Variants in KLHL21 observed in about 807,000 individuals in gnomAD.
KLHL21 encodes kelch like family member 21.
KLHL21 carries 42 observed loss-of-function variants against 44.1 expected under a neutral mutation model. The ratio of observed to expected loss-of-function variants is 0.95; its 90% CI spans 0.74 to 1.23. The LOEUF (loss-of-function observed/expected upper bound fraction) is 1.23, where lower values mean the gene tolerates loss of function less well. Ranked by LOEUF, KLHL21 falls within the 50% of genes most tolerant of loss-of-function variation. The pLI is 0.00. For missense variants in KLHL21, 918 were observed against 889.1 expected (o/e 1.03, Z -0.41); for synonymous variants, 524 against 411.6 (o/e 1.27, Z -3.31).
chr1:6,598,914 G>C (rs1163191682), intron 2 of KLHL21, 133 bp downstream of exon 2: 3 of 927,224 alleles, frequency 3.2e-6, no homozygotes, highest in Non-Finnish European at 4.8e-6. Context: ...CAAAGAGACA[G>C]ACCCAGCCTC....
intron 1 of KLHL21, among the ~76,000 whole-genome samples, chr1:6,601,065 A>G (rs558567601): frequency 1.2e-4 from 18 of 152,258 alleles, no homozygotes; most frequent in Admixed American, 5.9e-4. Context: ...CTTTCCTTAT[A>G]TAGCAGTCAC....
At chr1:6,595,174 C>T (rs779567780) in intron 3 of KLHL21, 19 of 568,458 alleles carry the variant, frequency 3.3e-5, no homozygotes, top group Non-Finnish European at 5.9e-5. Flanking sequence ...TACCTGCTGT[C>T]CCTCTCTGGA....
chr1:6,595,636 C>T lies in KLHL21; in HGVS notation c.1428-79G>A, dbSNP rs1462253438. 61 of 1,221,010 alleles carry T rather than the reference C, an allele frequency of 5.0e-5. No individual in the cohort carries two copies. The South Asian group carries it at 7.0e-4, about 14-fold the overall frequency. The allele number at this position is 1,221,010 out of a possible 1,614,324, so 75.6% of individuals were successfully genotyped here. On this transcript the variant is annotated intron_variant, in intron 2 of 3. Transcript: ENST00000377658. The stretch of plus-strand genomic sequence containing the variant: ...CATGCAGGGCTGGAGCAGAGTCCTC[C>T]CCTGGGTCACTGACTCCTCCAGTGA...
In KLHL21 at chr1:6,591,017, A is replaced by G. The variant is rs925580951; in HGVS notation, c.*2348T>C. 7.5e-6 allele frequency: 3 copies of G among 398,720 alleles called. No individual in the cohort carries two copies. Among genetic ancestry groups the G allele is most frequent in the Non-Finnish European group, 8.8e-6 (2 of 226,086 alleles). The allele number at this position is 398,720 out of a possible 1,614,324, so 24.7% of individuals were successfully genotyped here. A position where few individuals can be genotyped will look rare whatever the true frequency, so the allele number is the denominator to read the frequency against. ...AGTTCTGTACATGTAACATGTGGCC[A>G]TGCCCAGGCATCCCAGCATCTATCC... is the stretch of plus-strand genomic sequence containing the variant. On this transcript the variant is annotated 3_prime_UTR_variant, in exon 4 of 4. Coordinates refer to ENST00000377658, the MANE Select transcript of KLHL21 (RefSeq NM_014851.4).
At position 6,592,482 on chromosome 1, in the gene KLHL21, TCTTC is replaced by T. The variant is rs1408810194; in HGVS notation, c.*879_*882del. The T allele has an allele frequency of 6.6e-6, 1 of 152,242 alleles. No homozygotes were observed. Among genetic ancestry groups the T allele is most frequent in the African/African-American group, 2.4e-5 (1 of 41,448 alleles). The allele number at this position is 152,242 out of a possible 1,614,324, so 9.4% of individuals were successfully genotyped here. A position where few individuals can be genotyped will look rare whatever the true frequency, so the allele number is the denominator to read the frequency against. On this transcript the variant is annotated 3_prime_UTR_variant, in exon 4 of 4. Transcript: ENST00000377658. Reference sequence around the variant, plus strand: ...TGTAGAGCTCCTTCTTCTTCCCACTTCTTCTAAGGTCAAACTGCAAGCATTTTCA... The same window carrying T: ...TGTAGAGCTCCTTCTTCTTCCCACTTTAAGGTCAAACTGCAAGCATTTTCA...
chr1:6,590,927 T>C lies in KLHL21; in HGVS notation c.*2438A>G. On this transcript the variant is annotated 3_prime_UTR_variant, in exon 4 of 4. Coordinates refer to ENST00000377658, the MANE Select transcript of KLHL21 (RefSeq NM_014851.4). ...TGAAGTCATATAAATATAGAATACCTTATAGTAGATCAGCATTAAATACCA... is the reference window on the plus strand; with the variant it reads ...TGAAGTCATATAAATATAGAATACCCTATAGTAGATCAGCATTAAATACCA... The C allele has an allele frequency of 2.5e-6, 1 of 398,628 alleles. No homozygotes were observed. Among genetic ancestry groups the C allele is most frequent in the Non-Finnish European group, 4.4e-6 (1 of 226,062 alleles). 24.7% of individuals were successfully genotyped at this position (398,628 alleles called of 1,614,324 possible).
rs552589207 is a variant in KLHL21 at position 6,602,577 on chromosome 1, C to G, written c.241G>C (p.Gly81Arg). Residue 81 changes from glycine (G) to arginine (R), a missense_variant, in exon 1 of 4, where the codon GGA (glycine) becomes CGA (arginine). Coordinates refer to ENST00000377658, the MANE Select transcript of KLHL21 (RefSeq NM_014851.4). ...ESRAERVRLHGVPPDMLQLLL... is the reference protein window; with the variant it reads ...ESRAERVRLHRVPPDMLQLLL... ...AGCTGCAGCATGTCGGGAGGCACTC[C>G]GTGCAGGCGCACCCGCTCGGCGCGG... 3 of 1,532,294 alleles carry G rather than the reference C, an allele frequency of 2.0e-6. No homozygotes were observed. The highest frequency in any genetic ancestry group is 2.5e-5 in the East Asian group (1 of 40,568). 94.9% of individuals were successfully genotyped at this position (1,532,294 alleles called of 1,614,324 possible). A position where few individuals can be genotyped will look rare whatever the true frequency, so the allele number is the denominator to read the frequency against.
chr1:6,602,271 G>A lies in KLHL21; in HGVS notation c.547C>T (p.Arg183Cys). 3 of 1,553,626 alleles carry A rather than the reference G, an allele frequency of 1.9e-6. No individual in the cohort carries two copies. In the South Asian group the frequency reaches 3.5e-5, roughly 18 times the overall value. The change falls in exon 1 of 4, where the codon CGC becomes TGC. Residue 183 changes from arginine to cysteine, a missense_variant. By Grantham distance (180) the Arg-to-Cys change is radical. Transcript: ENST00000377658. ...LERLPLARLL[R>C]YLRDDGLCVP... ...CACAGCCCGTCGTCCCGCAGGTAGCGCAGCAGGCGCGCCAGTGGCAGCCGC... is the reference window on the plus strand; with the variant it reads ...CACAGCCCGTCGTCCCGCAGGTAGCACAGCAGGCGCGCCAGTGGCAGCCGC...
Position 6,593,372 on chromosome 1 carries a change from A to G in KLHL21, c.1787T>C (p.Leu596Pro), listed in dbSNP as rs772593214. Residue 596 changes from leucine (L) to proline (P), a missense_variant, in exon 4 of 4, where the codon CTG (leucine) becomes CCG (proline). Transcript: ENST00000377658. ...TGCCGGGCCAGACTGGGGCTAGTGCAGCTCATCGGGGTCCCGCGGCGGCCG... is the reference window on the plus strand; with the variant it reads ...TGCCGGGCCAGACTGGGGCTAGTGCGGCTCATCGGGGTCCCGCGGCGGCCG... ...RPRPPRDPDE[L>P]H 6.3e-7 allele frequency: 1 copy of G among 1,591,462 alleles called. No individual in the cohort carries two copies. Among genetic ancestry groups the G allele is most frequent in the South Asian group, 1.1e-5 (1 of 89,822 alleles).
rs780390819 is a variant in KLHL21 at position 6,599,181 on chromosome 1, A to T, written c.1293T>A (p.Ala431=). The change falls in exon 2 of 4, where the codon GCT becomes GCA. Residue 431 remains alanine (A), a synonymous_variant. Transcript: ENST00000377658. ...RGRLYAIGSL[A]GKETMVMQCY... ...ACTGCATCACCATGGTCTCCTTGCC[A>T]GCCAGGGAGCCGATGGCATAGAGCC... 5.0e-6 allele frequency: 8 copies of T among 1,614,130 alleles called. No homozygotes were observed. The highest frequency in any genetic ancestry group is 1.6e-4 in the Middle Eastern group (1 of 6,062).
Position 6,593,191 on chromosome 1 carries a change from C to A in KLHL21, c.*174G>T. The A allele has an allele frequency of 1.6e-6, 1 of 629,322 alleles. No homozygotes were observed. The highest frequency in any genetic ancestry group is 2.6e-6 in the Non-Finnish European group (1 of 383,054). The allele number at this position is 629,322 out of a possible 1,614,324, so 39.0% of individuals were successfully genotyped here. Reference sequence around the variant, plus strand: ...AGGGCGTTCCCGACGGCCTCTGATTCAGGCTCTCAAGGTACAGAAACCTTC... The same window carrying A: ...AGGGCGTTCCCGACGGCCTCTGATTAAGGCTCTCAAGGTACAGAAACCTTC... On this transcript the variant is annotated 3_prime_UTR_variant, in exon 4 of 4. Transcript: ENST00000377658.
Position 6,593,561 on chromosome 1 carries a change from T to A in KLHL21, c.1598A>T (p.Tyr533Phe), listed in dbSNP as rs745307007. The stretch of plus-strand genomic sequence containing the variant: ...GCTCCACGCGCGAGTCTCTGGGTCA[T>A]AGGCCTCTACCACGTCCGAGAGTTC... ...TFELSDVVEA[Y>F]DPETRAWSVV... The change falls in exon 4 of 4, where the codon TAT becomes TTT. Residue 533 changes from tyrosine to phenylalanine, a missense_variant. Tyr to Phe is a conservative substitution (Grantham distance 22). Coordinates refer to ENST00000377658, the MANE Select transcript of KLHL21 (RefSeq NM_014851.4). 6.2e-7 allele frequency: 1 copy of A among 1,613,966 alleles called. No homozygotes were observed. The highest frequency in any genetic ancestry group is 1.7e-5 in the Admixed American group (1 of 60,024).
rs367742381 is a variant in KLHL21, at chr1:6,597,631, GC to G, written c.1427+1415del. Among the ~76,000 whole-genome samples, 697 of 152,330 alleles carry G rather than the reference GC, an allele frequency of 4.6e-3. 4 individuals are homozygous for G. The highest frequency in any genetic ancestry group is 0.016 in the African/African-American group (645 of 41,572). On this transcript the variant is annotated intron_variant, in intron 2 of 3. Transcript: ENST00000377658. Reference sequence around the variant, plus strand: ...GTTCTTCTTGGTGCTCACTCCAAAAGCCTGGTAAGGAGCCTCCTGTCTGGGG... The same window carrying G: ...GTTCTTCTTGGTGCTCACTCCAAAAGCTGGTAAGGAGCCTCCTGTCTGGGG...
intron 1 of KLHL21, among the ~76,000 whole-genome samples, chr1:6,601,253 A>G (rs925767742): frequency 2.0e-5 from 3 of 152,220 alleles, no homozygotes; most frequent in Non-Finnish European, 4.4e-5. Context: ...ACATGTGACC[A>G]TGTTTACAGG....
Position 6,598,814 on chromosome 1 carries a change from T to C in KLHL21, c.1427+233A>G, listed in dbSNP as rs144349639. Reference sequence around the variant, plus strand: ...AGGAGAATGGCGTGAACCCGGAAGGTGGAGCTTGCAGTGAGCTGAGATTGC... The same window carrying C: ...AGGAGAATGGCGTGAACCCGGAAGGCGGAGCTTGCAGTGAGCTGAGATTGC... On this transcript the variant is annotated intron_variant, in intron 2 of 3. Transcript: ENST00000377658. Among the ~76,000 whole-genome samples, 908 of 152,124 alleles carry C rather than the reference T, an allele frequency of 6.0e-3. 5 individuals carry two copies. Among genetic ancestry groups the C allele is most frequent in the Non-Finnish European group, 8.5e-3 (579 of 67,982 alleles).
At chr1:6,601,670 A>G in intron 1 of KLHL21, 127 bp downstream of exon 1, 23 of 1,392,238 alleles carry the variant, frequency 1.7e-5, no homozygotes, top group Non-Finnish European at 2.2e-5. Flanking sequence ...TAGTCACCAG[A>G]GCCCCAGCTT....
chr1:6,591,940 G>A lies in KLHL21; in HGVS notation c.*1425C>T, dbSNP rs1383347075. The A allele has an allele frequency of 6.6e-6, 1 of 152,328 alleles. No homozygotes were observed. The highest frequency in any genetic ancestry group is 1.9e-4 in the East Asian group (1 of 5,204). 9.4% of individuals were successfully genotyped at this position (152,328 alleles called of 1,614,324 possible). On this transcript the variant is annotated 3_prime_UTR_variant, in exon 4 of 4. Coordinates refer to ENST00000377658, the MANE Select transcript of KLHL21 (RefSeq NM_014851.4). ...ACAGCAGGTGCTGGAAGATGACCAT[G>A]ACCCAAGCGAGAAGAGCCGCCATGA...
intron 2 of KLHL21, among the ~76,000 whole-genome samples, chr1:6,596,332 G>A (rs1459448850): frequency 6.6e-6 from 1 of 152,244 alleles, no homozygotes; most frequent in Admixed American, 6.5e-5. Context: ...CCGGGTGGCT[G>A]AGGCAGGAGA....
In KLHL21 at chr1:6,593,514, G is replaced by T; in HGVS notation, c.1645C>A (p.Pro549Thr). 1 of 1,613,842 alleles carries T rather than the reference G, an allele frequency of 6.2e-7. No homozygotes were observed. Among genetic ancestry groups the T allele is most frequent in the Non-Finnish European group, 8.5e-7 (1 of 1,180,008 alleles). The change falls in exon 4 of 4, where the codon CCC becomes ACC. Residue 549 changes from proline to threonine, a missense_variant. Physicochemically the swap from Pro to Thr is conservative, Grantham distance 38. Transcript: ENST00000377658. The part of the protein sequence containing the change: ...AWSVVGRLPE[P>T]TFWHGSVSIF... ...CTGACACTGCCATGCCAGAAGGTGG[G>T]TTCTGGGAGCCGCCCCACCACGCTC...
Sources: allele counts gnomAD v4.1 joint callset (sites outside exome capture counted in the v4.1 genomes callset), GRCh38; gene constraint gnomAD v4.1.1; transcripts MANE v1.5; gene names NCBI Gene and HGNC (gene_info 2026-07-23, HGNC 2026-07-21).